The following MDGA2 variants were observed in gnomAD, a reference collection of about 807,000 sequenced individuals.
The protein encoded by MDGA2 is MAM domain containing glycosylphosphatidylinositol anchor 2, also known as MAM domain-containing glycosylphosphatidylinositol anchor protein 2.
In MDGA2, 40 loss-of-function variants were observed where a neutral mutation model predicts 117.8. The ratio of observed to expected loss-of-function variants is 0.34; its 90% CI spans 0.26 to 0.44. The LOEUF is 0.44. MDGA2 is among the 20% of genes least tolerant of loss of function. MDGA2 has a pLI of 1.00. For synonymous variants in MDGA2, 452 were observed against 439.0 expected, an observed-to-expected ratio of 1.03 and a Z score of -0.37; for missense variants, 1,123 against 1,250.6, an observed-to-expected ratio of 0.90 and a Z score of 1.54.
At chr14:47,204,180 T>C (rs1885603456) in intron 3 of MDGA2, among the ~76,000 whole-genome samples, 1 of 152,046 alleles carries the variant, frequency 6.6e-6, no homozygotes, top group South Asian at 2.1e-4. Context: ...ACAGTCAATA[T>C]TACCAATATT....
intron 9 of MDGA2, among the ~76,000 whole-genome samples, chr14:46,951,890 G>T (rs1049944020): frequency 4.0e-5 from 6 of 151,858 alleles, no homozygotes; most frequent in African/African-American, 1.5e-4. Context: ...AATTCTTTAT[G>T]CAGAAATAAT....
chr14:46,858,620 G>T (rs1881381349), intron 14 of MDGA2, among the ~76,000 whole-genome samples: 1 of 151,200 alleles, frequency 6.6e-6, no homozygotes. Flanking sequence ...GTAGAGATGG[G>T]GTTTCACCGT....
chr14:47,471,751 C>CA (rs533442271), intron 1 of MDGA2, among the ~76,000 whole-genome samples: 6 of 151,568 alleles, frequency 4.0e-5, no homozygotes, highest in Non-Finnish European at 5.9e-5. Context: ...TCTATGAAAG[C>CA]AAAAAAACAT....
intron 1 of MDGA2, among the ~76,000 whole-genome samples, chr14:47,602,191 T>C (rs890732002): frequency 2.0e-5 from 3 of 152,180 alleles, no homozygotes; most frequent in Admixed American, 1.3e-4. Context: ...GTAATGTTTC[T>C]ATGAAATGAC....
At position 47,281,864 on chromosome 14, in the gene MDGA2, C is replaced by T. The variant is rs192153534; in HGVS notation, c.420+19547G>A. ...CTGAGGTCGGAAGCTCGAGACCAAC[C>T]TGGCCAACATGGTGAAACTCCATCT... is the stretch of plus-strand genomic sequence containing the variant. On this transcript the variant is annotated intron_variant, in intron 2 of 16. Transcript: ENST00000399232. Among the ~76,000 whole-genome samples the T allele has an allele frequency of 2.2e-3, 339 of 151,936 alleles. 2 individuals carry two copies. Among genetic ancestry groups the T allele is most frequent in the African/African-American group, 7.6e-3 (314 of 41,420 alleles).
chr14:47,098,442 A>C (rs944592322), intron 5 of MDGA2, among the ~76,000 whole-genome samples: 5 of 151,700 alleles, frequency 3.3e-5, no homozygotes, highest in African/African-American at 9.7e-5. Flanking sequence ...CCTTCTGAGG[A>C]GTTAATATGA....
At chr14:47,374,390 C>A (rs1241663796) in intron 1 of MDGA2, among the ~76,000 whole-genome samples, 10 of 152,068 alleles carry the variant, frequency 6.6e-5, no homozygotes. Flanking sequence ...GTTATTCACT[C>A]TGTTCTATAT....
At chr14:47,575,797 A>G (rs1046942273) in intron 1 of MDGA2, among the ~76,000 whole-genome samples, 2 of 152,206 alleles carry the variant, frequency 1.3e-5, no homozygotes, top group Non-Finnish European at 2.9e-5. Flanking sequence ...ACTAAAAGAC[A>G]ATTTAATATT....
At chr14:47,116,951 AAAAT>A (rs1472822925) in intron 5 of MDGA2, among the ~76,000 whole-genome samples, 1 of 151,988 alleles carries the variant, frequency 6.6e-6, no homozygotes, top group East Asian at 1.9e-4. Flanking sequence ...CACAGAAAAA[AAAAT>A]AGAGTGAAAA....
intron 6 of MDGA2, among the ~76,000 whole-genome samples, chr14:47,067,376 T>C (rs1302621014): frequency 6.6e-6 from 1 of 152,136 alleles, no homozygotes; most frequent in Non-Finnish European, 1.5e-5. Flanking sequence ...ACTGTAAAAT[T>C]AGATTCCATT....
intron 1 of MDGA2, among the ~76,000 whole-genome samples, chr14:47,405,405 T>C (rs1053784042): frequency 2.1e-4 from 32 of 152,318 alleles, no homozygotes; most frequent in Non-Finnish European, 3.7e-4. Context: ...AAAAAGATGG[T>C]TACATGGTGC....
At chr14:47,312,693 G>GTTTTTTTTTTTTTTTTTTTTTTTTTT (rs375332903) in intron 1 of MDGA2, among the ~76,000 whole-genome samples, 1 of 104,364 alleles carries the variant, frequency 9.6e-6, no homozygotes, top group African/African-American at 3.4e-5. Flanking sequence ...TTTTTGTTTT[G>GTTTTTTTTTTTTTTTTTTTTTTTTTT]TTTTGTTTTT....
At chr14:46,856,134 A>G (rs937606748) in intron 14 of MDGA2, among the ~76,000 whole-genome samples, 32 of 152,092 alleles carry the variant, frequency 2.1e-4, no homozygotes, top group Non-Finnish European at 4.4e-4. Context: ...TAGAGGGGTT[A>G]AACAATTTGC....
chr14:47,453,009 T>G (rs1013040073), intron 1 of MDGA2, among the ~76,000 whole-genome samples: 6 of 152,072 alleles, frequency 3.9e-5, no homozygotes, highest in Admixed American at 3.9e-4. Flanking sequence ...ATTATGTCAC[T>G]AATAATTTGG....
intron 1 of MDGA2, among the ~76,000 whole-genome samples, chr14:47,461,490 T>C (rs866628291): frequency 3.3e-5 from 5 of 152,064 alleles, no homozygotes; most frequent in African/African-American, 1.2e-4. Flanking sequence ...AGAATAGCAC[T>C]GTGAAAAAAT....
At chr14:47,172,396 C>A (rs536501984) in intron 3 of MDGA2, among the ~76,000 whole-genome samples, 1 of 151,942 alleles carries the variant, frequency 6.6e-6, no homozygotes, top group South Asian at 2.1e-4. Context: ...GGGAGGCACC[C>A]CCAAGTAGGG....
intron 1 of MDGA2, among the ~76,000 whole-genome samples, chr14:47,329,676 C>T (rs1890240143): frequency 5.3e-5 from 8 of 151,998 alleles, no homozygotes; most frequent in African/African-American, 1.9e-4. Context: ...CTTGGAAAGT[C>T]TCAAATTTTT....
At chr14:47,639,750 C>T (rs778864291) in intron 1 of MDGA2, among the ~76,000 whole-genome samples, 3 of 152,162 alleles carry the variant, frequency 2.0e-5, no homozygotes, top group Non-Finnish European at 4.4e-5. Flanking sequence ...CATTCAAGGA[C>T]CTCTCCTCCA....
chr14:46,900,868 A>G lies in MDGA2; in HGVS notation c.2239-18647T>C, dbSNP rs145368186. Among the ~76,000 whole-genome samples the G allele has an allele frequency of 2.3e-3, 354 of 152,220 alleles. 1 individual carries two copies. The highest frequency in any genetic ancestry group is 8.1e-3 in the African/African-American group (337 of 41,538). Reference sequence around the variant, plus strand: ...TGATTAAACTTCATGGATTGTACCAATGTCAGTTTCTTGGTTTTCATAATG... The same window carrying G: ...TGATTAAACTTCATGGATTGTACCAGTGTCAGTTTCTTGGTTTTCATAATG... On this transcript the variant is annotated intron_variant, in intron 10 of 16. Coordinates refer to ENST00000399232, the MANE Select transcript of MDGA2 (RefSeq NM_001113498.3).
Sources: allele counts gnomAD v4.1 joint callset (sites outside exome capture counted in the v4.1 genomes callset), GRCh38; gene constraint gnomAD v4.1.1; transcripts MANE v1.5; gene names NCBI Gene and HGNC (gene_info 2026-07-23, HGNC 2026-07-21).